The following DIPK1A variants were observed in gnomAD, a reference collection of about 807,000 sequenced individuals.
The protein encoded by DIPK1A is divergent protein kinase domain 1A, also known as family with sequence similarity 69 member A.
Under a neutral mutation model 40.8 loss-of-function variants are expected in DIPK1A, and 27 were observed. The observed-to-expected ratio is 0.66, with a 90% CI of 0.49 to 0.91. DIPK1A has a LOEUF of 0.91. Among genes scored for constraint, DIPK1A ranks in the 40% least tolerant of loss-of-function variants. The probability of loss-of-function intolerance (pLI) is 0.00; values close to 1 mark genes in which losing one functional copy is unlikely to be tolerated. For missense variants in DIPK1A, 412 were observed against 505.7 expected, an observed-to-expected ratio of 0.81 and a Z score of 1.78; for synonymous variants, 166 against 171.3, an observed-to-expected ratio of 0.97 and a Z score of 0.24.
intron 1 of DIPK1A, among the ~76,000 whole-genome samples, chr1:92,897,197 C>T (rs1211350607): frequency 6.6e-6 from 1 of 152,222 alleles, no homozygotes; most frequent in Non-Finnish European, 1.5e-5. Context: ...TATAAAGACA[C>T]ATGCATATGT....
intron 1 of DIPK1A, among the ~76,000 whole-genome samples, chr1:92,892,841 AC>A (rs1345003911): frequency 6.6e-6 from 1 of 152,118 alleles, no homozygotes; most frequent in African/African-American, 2.4e-5. Flanking sequence ...CAGCACGAGA[AC>A]TATGTGATGA....
At chr1:92,948,595 A>C (rs1651463825) in intron 1 of DIPK1A, among the ~76,000 whole-genome samples, 1 of 148,290 alleles carries the variant, frequency 6.7e-6, no homozygotes, top group Non-Finnish European at 1.5e-5. Context: ...AAAGGTAGTT[A>C]ACTTCATATT....
chr1:92,898,067 C>G (rs1403126621), intron 1 of DIPK1A, among the ~76,000 whole-genome samples: 1 of 150,272 alleles, frequency 6.7e-6, no homozygotes, highest in Non-Finnish European at 1.5e-5. Flanking sequence ...TCACTGCACT[C>G]TAGCCTGGGC....
At chr1:92,953,733 G>A (rs1377553141) in intron 1 of DIPK1A, among the ~76,000 whole-genome samples, 1 of 152,164 alleles carries the variant, frequency 6.6e-6, no homozygotes, top group Non-Finnish European at 1.5e-5. Context: ...AAGGGCCAGG[G>A]GCAGGAGGAA....
intron 1 of DIPK1A, chr1:92,932,996 G>T (rs147434907): frequency 6.6e-6 from 1 of 152,224 alleles, no homozygotes; most frequent in Non-Finnish European, 1.5e-5. Context: ...TCTGGTGAGG[G>T]ATGTTGATAG....
At chr1:92,956,064 G>GA (rs1246503831) in intron 1 of DIPK1A, among the ~76,000 whole-genome samples, 5 of 151,054 alleles carry the variant, frequency 3.3e-5, no homozygotes, top group South Asian at 4.2e-4. Context: ...AAGAAAAGGG[G>GA]AAAAAAAAGA....
chr1:92,897,064 A>T, intron 1 of DIPK1A, among the ~76,000 whole-genome samples: 1 of 151,898 alleles, frequency 6.6e-6, no homozygotes, highest in African/African-American at 2.4e-5. Context: ...GTGGGACTGT[A>T]AACTAGTTCA....
At chr1:92,896,053 C>T (rs958774270) in intron 1 of DIPK1A, among the ~76,000 whole-genome samples, 6 of 152,134 alleles carry the variant, frequency 3.9e-5, no homozygotes, top group African/African-American at 1.4e-4. Context: ...TAGGAAGAAT[C>T]AATATCGTAA....
chr1:92,844,010 TC>T lies in DIPK1A; in HGVS notation c.659del (p.Gly220AspfsTer8). 6.4e-7 allele frequency: 1 copy of T among 1,552,158 alleles called. No homozygotes were observed. Among genetic ancestry groups the T allele is most frequent in the Non-Finnish European group, 8.7e-7 (1 of 1,147,096 alleles). ...QDKEHTPKLM[G>X]FCGDLYVMES... ...CCATCACATAGAGGTCACCACAGAA[TC>T]CCATTAATTTGGGGGTATGTTCTTT... On this transcript the variant is annotated frameshift_variant, in exon 5 of 5. Transcript: ENST00000370310. LOFTEE classifies it high-confidence loss of function.
intron 1 of DIPK1A, among the ~76,000 whole-genome samples, chr1:92,914,633 G>A (rs1481897308): frequency 1.3e-5 from 2 of 151,728 alleles, no homozygotes; most frequent in Non-Finnish European, 2.9e-5. Flanking sequence ...GCTGGGCACA[G>A]TGGTGGGCAC....
intron 1 of DIPK1A, among the ~76,000 whole-genome samples, chr1:92,893,455 G>A (rs1008603968): frequency 2.6e-5 from 4 of 151,902 alleles, no homozygotes; most frequent in African/African-American, 9.7e-5. Context: ...CAAATGCTGA[G>A]AGATTTTGTC....
At position 92,843,547 on chromosome 1, in the gene DIPK1A, G is replaced by A. The variant is rs1199049885; in HGVS notation, c.1123C>T (p.Leu375=). Residue 375 remains leucine, a synonymous_variant, in exon 5 of 5, where the codon CTG becomes TTG. Coordinates refer to ENST00000370310, the MANE Select transcript of DIPK1A (RefSeq NM_001006605.5). ...KACQLLKDYL[L]RGAPSEIREE... is the part of the protein sequence containing the mutation. ...CGAATTTCACTTGGAGCACCACGCA[G>A]TAGGTAGTCTTTGAGTAACTGACAA... is the stretch of plus-strand genomic sequence containing the variant. 1 of 1,552,092 alleles carries A rather than the reference G, an allele frequency of 6.4e-7. No individual in the cohort carries two copies. The highest frequency in any genetic ancestry group is 8.7e-7 in the Non-Finnish European group (1 of 1,147,082).
rs542987591 is a variant in DIPK1A, at chr1:92,907,316, A to T, written c.55-30886T>A. Among the ~76,000 whole-genome samples the T allele has an allele frequency of 3.7e-4, 57 of 152,338 alleles. No homozygotes were observed. In the South Asian group the frequency reaches 9.9e-3, roughly 27 times the overall value. On this transcript the variant is annotated intron_variant, in intron 1 of 4. Coordinates refer to ENST00000370310, the MANE Select transcript of DIPK1A (RefSeq NM_001006605.5). ...TTTATTCTGCAGTATTGTCTTAAAA[A>T]TACATTAAAATATTTAAAAAATTGA...
intron 1 of DIPK1A, among the ~76,000 whole-genome samples, chr1:92,923,951 T>C (rs1295146616): frequency 1.3e-5 from 2 of 152,356 alleles, no homozygotes; most frequent in East Asian, 3.8e-4. Context: ...TTTTCGTTAT[T>C]AGTCCATGGA....
intron 1 of DIPK1A, chr1:92,876,908 C>G (rs920964842): frequency 1.2e-6 from 1 of 853,200 alleles, no homozygotes; most frequent in Non-Finnish European, 1.4e-6. Flanking sequence ...ATACTGACAA[C>G]CAGAACAAGA....
chr1:92,846,792 C>CATT lies in DIPK1A; in HGVS notation c.474+390_474+391insAAT, dbSNP rs1354830275. On this transcript the variant is annotated intron_variant, in intron 4 of 4. Coordinates refer to ENST00000370310, the MANE Select transcript of DIPK1A (RefSeq NM_001006605.5). ...TACAGGCACATGCCACCACTCCTGGCATATATATATATATATATATATATA... is the reference window on the plus strand; with the variant it reads ...TACAGGCACATGCCACCACTCCTGGCATTATATATATATATATATATATATATA... Among the ~76,000 whole-genome samples the CATT allele has an allele frequency of 2.5e-4, 4 of 16,048 alleles. 1 individual carries two copies. Among genetic ancestry groups the CATT allele is most frequent in the Non-Finnish European group, 5.0e-4 (4 of 8,028 alleles). 10.5% of individuals were successfully genotyped at this position (16,048 alleles called of 152,430 possible).
intron 1 of DIPK1A, among the ~76,000 whole-genome samples, chr1:92,884,492 G>A (rs927521948): frequency 6.6e-6 from 1 of 151,770 alleles, no homozygotes; most frequent in African/African-American, 2.4e-5. Context: ...TTGAGATATG[G>A]ATATAATAGA....
chr1:92,857,916 G>A (rs990294676), intron 2 of DIPK1A, among the ~76,000 whole-genome samples: 3 of 152,102 alleles, frequency 2.0e-5, no homozygotes, highest in Admixed American at 2.0e-4. Flanking sequence ...GTTTAGCACC[G>A]ACTGTGTCAG....
intron 1 of DIPK1A, among the ~76,000 whole-genome samples, chr1:92,942,582 C>G (rs1296288217): frequency 6.6e-6 from 1 of 151,988 alleles, no homozygotes; most frequent in African/African-American, 2.4e-5. Context: ...AAAGTTCCAT[C>G]TTATTTTTAT....
Sources: allele counts gnomAD v4.1 joint callset (sites outside exome capture counted in the v4.1 genomes callset), GRCh38; gene constraint gnomAD v4.1.1; transcripts MANE v1.5; gene names NCBI Gene and HGNC (gene_info 2026-07-23, HGNC 2026-07-21).